Variants in BTRC observed in about 807,000 individuals in gnomAD.
The protein encoded by BTRC is beta-transducin repeat containing E3 ubiquitin protein ligase.
A neutral mutation model predicts 85.5 loss-of-function variants in BTRC; 42 were observed. The observed-to-expected ratio is 0.49, with a 90% CI of 0.38 to 0.64. The LOEUF (loss-of-function observed/expected upper bound fraction) is 0.64. BTRC is among the 30% of genes least tolerant of loss of function. BTRC has a pLI of 0.00. For synonymous variants in BTRC, 255 were observed against 263.3 expected (o/e 0.97, Z 0.30); for missense variants, 594 against 743.5 (o/e 0.80, Z 2.34).
chr10:101,383,714 A>G (rs971910389), intron 1 of BTRC, among the ~76,000 whole-genome samples: 1 of 152,172 alleles, frequency 6.6e-6, no homozygotes, highest in Non-Finnish European at 1.5e-5. Flanking sequence ...TGAGAATAAT[A>G]TGGATATAGT....
intron 1 of BTRC, among the ~76,000 whole-genome samples, chr10:101,420,064 A>G (rs1052911769): frequency 1.7e-4 from 25 of 150,976 alleles, no homozygotes; most frequent in African/African-American, 6.1e-4. Context: ...GTGTACATAT[A>G]TATATATATA....
intron 3 of BTRC, among the ~76,000 whole-genome samples, chr10:101,468,272 T>G (rs1945433135): frequency 6.6e-6 from 1 of 152,140 alleles, no homozygotes; most frequent in South Asian, 2.1e-4. Context: ...GAGTGTATTT[T>G]CATATAGAGA....
chr10:101,437,775 G>A (rs970943633), intron 2 of BTRC, among the ~76,000 whole-genome samples: 2 of 152,070 alleles, frequency 1.3e-5, no homozygotes, highest in Non-Finnish European at 2.9e-5. Context: ...TTCAAATTTT[G>A]CAGTTCCCCA....
intron 1 of BTRC, among the ~76,000 whole-genome samples, chr10:101,362,583 C>T (rs187931760): frequency 1.4e-4 from 22 of 151,816 alleles, no homozygotes; most frequent in South Asian, 6.3e-4. Context: ...TTAGTAGAGA[C>T]GGAGTTTTTC....
chr10:101,360,539 AATTTTTGT>A (rs1205182602), intron 1 of BTRC, among the ~76,000 whole-genome samples: 7 of 150,946 alleles, frequency 4.6e-5, no homozygotes, highest in East Asian at 4.0e-4. Context: ...ATCCCTGACT[AATTTTTGT>A]ATTTTTGTAG....
chr10:101,448,994 T>C (rs1193278218), intron 2 of BTRC, among the ~76,000 whole-genome samples: 1 of 151,874 alleles, frequency 6.6e-6, no homozygotes, highest in Non-Finnish European at 1.5e-5. Context: ...AAGGACACAG[T>C]ATAATAATAA....
intron 4 of BTRC, among the ~76,000 whole-genome samples, chr10:101,508,731 G>A (rs926172168): frequency 1.3e-4 from 20 of 151,952 alleles, no homozygotes; most frequent in African/African-American, 4.6e-4. Flanking sequence ...TGGCTAACAC[G>A]GTGATACCCC....
chr10:101,514,541 C>T (rs1171443487), intron 4 of BTRC, among the ~76,000 whole-genome samples: 4 of 152,074 alleles, frequency 2.6e-5, no homozygotes, highest in African/African-American at 9.7e-5. Flanking sequence ...TAACCTCCAC[C>T]TCCCAGGTTC....
At chr10:101,486,478 CAAG>C (rs1945991806) in intron 4 of BTRC, among the ~76,000 whole-genome samples, 1 of 150,988 alleles carries the variant, frequency 6.6e-6, no homozygotes, top group East Asian at 1.9e-4. Context: ...AGGGGAACAG[CAAG>C]AAGGGCATAC....
chr10:101,488,768 G>A (rs1946054674), intron 4 of BTRC, among the ~76,000 whole-genome samples: 1 of 151,940 alleles, frequency 6.6e-6, no homozygotes, highest in African/African-American at 2.4e-5. Context: ...TAATAATTAG[G>A]CATTTATTTG....
At chr10:101,457,100 A>C (rs1945102453) in intron 2 of BTRC, among the ~76,000 whole-genome samples, 1 of 152,208 alleles carries the variant, frequency 6.6e-6, no homozygotes, top group Non-Finnish European at 1.5e-5. Flanking sequence ...TAACAACAAT[A>C]AGAATAAAAT....
chr10:101,404,006 A>G (rs184766420), intron 1 of BTRC, among the ~76,000 whole-genome samples: 17,041 of 47,524 alleles, frequency 0.36, 2,266 homozygotes, highest in Non-Finnish European at 0.39. Flanking sequence ...GTGTGTGTAT[A>G]TATATATATA....
intron 13 of BTRC, among the ~76,000 whole-genome samples, chr10:101,542,468 G>A (rs1346385073): frequency 6.6e-6 from 1 of 152,238 alleles, no homozygotes; most frequent in African/African-American, 2.4e-5. Flanking sequence ...TGTATCCTTA[G>A]TGATTTTTCT....
At chr10:101,451,984 G>C (rs1047279320) in intron 2 of BTRC, among the ~76,000 whole-genome samples, 4 of 152,120 alleles carry the variant, frequency 2.6e-5, no homozygotes, top group African/African-American at 9.7e-5. Context: ...GAGTTGTCAC[G>C]AGTTCATAAA....
intron 1 of BTRC, among the ~76,000 whole-genome samples, chr10:101,382,183 A>G (rs891757259): frequency 1.3e-5 from 2 of 151,488 alleles, no homozygotes; most frequent in Non-Finnish European, 2.9e-5. Flanking sequence ...GGGTTTCACC[A>G]TGCTGGCCAG....
At chr10:101,480,138 G>GT (rs1452147598) in intron 4 of BTRC, among the ~76,000 whole-genome samples, 1 of 152,136 alleles carries the variant, frequency 6.6e-6, no homozygotes, top group African/African-American at 2.4e-5. Flanking sequence ...TATGGGCTTT[G>GT]TTTCTTTTAC....
chr10:101,405,782 T>G (rs1348655248), intron 1 of BTRC, among the ~76,000 whole-genome samples: 1 of 152,212 alleles, frequency 6.6e-6, no homozygotes, highest in Non-Finnish European at 1.5e-5. Context: ...TTAATTATCC[T>G]TTTGATATTG....
intron 1 of BTRC, among the ~76,000 whole-genome samples, chr10:101,408,609 T>C (rs1292765729): frequency 1.3e-5 from 2 of 152,234 alleles, no homozygotes; most frequent in African/African-American, 4.8e-5. Flanking sequence ...CCTGGCCCTT[T>C]TTGCCTTTAA....
In BTRC at chr10:101,506,539, A is replaced by T. The variant is rs961014291; in HGVS notation, c.325-15100A>T. 3.3e-5 allele frequency among the ~76,000 whole-genome samples: 5 copies of T among 152,222 alleles called. No individual in the cohort carries two copies. The South Asian group carries it at 6.2e-4, about 19-fold the overall frequency. ...GGCATTGATGAGCAGCAGTTCTATT[A>T]TATACCTTGTTTATTGTCCTTGGTA... is the stretch of plus-strand genomic sequence containing the variant. On this transcript the variant is annotated intron_variant, in intron 4 of 14. Transcript: ENST00000370187.
Sources: gnomAD v4.1 joint callset for allele counts (sites outside exome capture counted in the v4.1 genomes callset) on GRCh38, gnomAD v4.1.1 for gene constraint, MANE v1.5 for transcripts, NCBI Gene and HGNC (gene_info 2026-07-23, HGNC 2026-07-21) for gene names.